FMN1: variants seen among roughly 807,000 people sequenced by gnomAD.
FMN1 encodes formin-1.
Under a neutral mutation model 132.4 loss-of-function variants are expected in FMN1, and 110 were observed. That is an observed-to-expected ratio of 0.83 (90% CI 0.71 to 0.97). The LOEUF is 0.97. FMN1 is among the 50% of genes least tolerant of loss of function. FMN1 has a pLI of 0.00. For synonymous variants in FMN1, 722 were observed against 651.7 expected (o/e 1.11, Z -1.64); for missense variants, 1,792 against 1,705.3 (o/e 1.05, Z -0.90).
At chr15:33,128,833 AAT>A (rs1566942676) in intron 4 of FMN1, among the ~76,000 whole-genome samples, 3 of 152,148 alleles carry the variant, frequency 2.0e-5, no homozygotes, top group African/African-American at 7.2e-5. Flanking sequence ...AAGCCTCCGC[AAT>A]GCGGAAGACA....
chr15:33,070,029 G>C (rs892055442), intron 5 of FMN1, among the ~76,000 whole-genome samples: 1 of 80,526 alleles, frequency 1.2e-5, no homozygotes, highest in Non-Finnish European at 2.4e-5. Context: ...TTTTGAGACC[G>C]AGTTTCGCTC....
At chr15:32,885,449 G>A (rs1032198313) in intron 16 of FMN1, among the ~76,000 whole-genome samples, 2 of 152,180 alleles carry the variant, frequency 1.3e-5, no homozygotes, top group South Asian at 2.1e-4. Flanking sequence ...CTTAGAAGTC[G>A]TATCTAGTTT....
intron 7 of FMN1, among the ~76,000 whole-genome samples, chr15:33,003,335 A>C (rs941110329): frequency 1.1e-4 from 16 of 152,342 alleles, no homozygotes; most frequent in African/African-American, 3.6e-4. Flanking sequence ...TTAAGCTGAT[A>C]AGCAACTTCA....
At chr15:33,066,384 G>T in intron 5 of FMN1, 1 of 818,194 alleles carries the variant, frequency 1.2e-6, no homozygotes, top group South Asian at 2.0e-5. Flanking sequence ...AATATAATTT[G>T]ACTATAATCC....
chr15:33,191,204 T>C (rs1311367953), intron 2 of FMN1, among the ~76,000 whole-genome samples: 1 of 149,646 alleles, frequency 6.7e-6, no homozygotes, highest in Non-Finnish European at 1.5e-5. Flanking sequence ...ACCTCCAAAA[T>C]ATTTTGCCCA....
chr15:32,992,819 T>C (rs1416109631), intron 7 of FMN1, among the ~76,000 whole-genome samples: 1 of 152,184 alleles, frequency 6.6e-6, no homozygotes, highest in Non-Finnish European at 1.5e-5. Flanking sequence ...TAGTGGGTCA[T>C]AAAAATCGTT....
chr15:32,957,234 T>C (rs748366017), intron 9 of FMN1, among the ~76,000 whole-genome samples: 4 of 151,414 alleles, frequency 2.6e-5, no homozygotes, highest in Non-Finnish European at 5.9e-5. Flanking sequence ...TGGCAGATCA[T>C]GCTGATTTTC....
intron 4 of FMN1, chr15:33,151,058 A>C (rs1436274040): frequency 7.9e-7 from 1 of 1,265,934 alleles, no homozygotes; most frequent in Non-Finnish European, 1.0e-6. Flanking sequence ...TGAAGGGTTC[A>C]GAATATAAAG....
chr15:32,829,928 G>GT (rs1287896467), intron 17 of FMN1, among the ~76,000 whole-genome samples: 2 of 152,178 alleles, frequency 1.3e-5, no homozygotes, highest in Non-Finnish European at 2.9e-5. Context: ...ACGTGGCAGA[G>GT]TTAGGAGGTA....
chr15:32,904,194 A>AATGCAGGACACTT (rs1446736196), intron 12 of FMN1, among the ~76,000 whole-genome samples: 2 of 152,108 alleles, frequency 1.3e-5, no homozygotes, highest in Non-Finnish European at 2.9e-5. Flanking sequence ...TAGGAAAGCA[A>AATGCAGGACACTT]ATGCAGGACA....
At chr15:32,976,708 T>C (rs546932165) in intron 7 of FMN1, among the ~76,000 whole-genome samples, 117 of 152,210 alleles carry the variant, frequency 7.7e-4, no homozygotes, top group African/African-American at 1.5e-3. Context: ...GATAAAGAAA[T>C]AGAGAAACAG....
intron 2 of FMN1, among the ~76,000 whole-genome samples, chr15:33,182,931 C>T (rs1322251900): frequency 1.3e-5 from 2 of 152,152 alleles, no homozygotes; most frequent in Non-Finnish European, 2.9e-5. Flanking sequence ...CATTGTTAAC[C>T]ACTTTTTACA....
chr15:33,023,264 TAAAA>T (rs5811722), intron 6 of FMN1, among the ~76,000 whole-genome samples: 2 of 148,580 alleles, frequency 1.3e-5, no homozygotes, highest in Admixed American at 1.3e-4. Context: ...GGGGGAAACT[TAAAA>T]AAAAAATCAT....
At chr15:32,931,290 C>T (rs1022420060) in intron 9 of FMN1, among the ~76,000 whole-genome samples, 3 of 152,190 alleles carry the variant, frequency 2.0e-5, no homozygotes, top group Admixed American at 1.3e-4. Flanking sequence ...GGAATACAGA[C>T]ATTCAATAAT....
intron 7 of FMN1, among the ~76,000 whole-genome samples, chr15:32,995,390 C>T (rs1402950138): frequency 6.6e-6 from 1 of 152,126 alleles, no homozygotes; most frequent in Non-Finnish European, 1.5e-5. Flanking sequence ...TCTCTCCCTC[C>T]ATTAGTCTCT....
At chr15:33,145,563 G>C (rs1964183494) in intron 4 of FMN1, among the ~76,000 whole-genome samples, 2 of 151,616 alleles carry the variant, frequency 1.3e-5, no homozygotes, top group South Asian at 4.2e-4. Context: ...AGAAAATCTG[G>C]AGAACATACG....
chr15:32,935,785 A>G (rs2061253606), intron 9 of FMN1, among the ~76,000 whole-genome samples: 1 of 151,656 alleles, frequency 6.6e-6, no homozygotes, highest in East Asian at 1.9e-4. Flanking sequence ...GCGCCACCCC[A>G]CACAGCTAAT....
chr15:32,844,168 G>T (rs2058807324), intron 17 of FMN1, among the ~76,000 whole-genome samples: 1 of 152,114 alleles, frequency 6.6e-6, no homozygotes, highest in South Asian at 2.1e-4. Flanking sequence ...CAATCTGTTT[G>T]AAAGCAGAGC....
chr15:32,830,960 C>T (rs1180063849), intron 17 of FMN1, among the ~76,000 whole-genome samples: 1 of 152,096 alleles, frequency 6.6e-6, no homozygotes, highest in East Asian at 1.9e-4. Flanking sequence ...CCAAACACCC[C>T]CCACCACTAT....
Sources: allele counts gnomAD v4.1 joint callset (sites outside exome capture counted in the v4.1 genomes callset), GRCh38; gene constraint gnomAD v4.1.1; transcripts MANE v1.5; gene names NCBI Gene and HGNC (gene_info 2026-07-23, HGNC 2026-07-21).